Variants in KLB observed in about 807,000 individuals in gnomAD.
KLB encodes beta-klotho.
A neutral mutation model predicts 88.4 loss-of-function variants in KLB; 44 were observed. The observed-to-expected ratio is 0.50, with a 90% CI of 0.39 to 0.64. The LOEUF (loss-of-function observed/expected upper bound fraction) is 0.64. KLB is among the 30% of genes least tolerant of loss of function. KLB has a pLI of 0.00. For synonymous variants in KLB, 548 were observed against 513.4 expected (o/e 1.07, Z -0.91); for missense variants, 1,137 against 1,304.8 (o/e 0.87, Z 1.98).
rs1743780741 is a variant in KLB at position 39,447,432 on chromosome 4, C to G, written c.2706C>G (p.Leu902=). 6.2e-7 allele frequency: 1 copy of G among 1,609,418 alleles called. No individual in the cohort carries two copies. Among genetic ancestry groups the G allele is most frequent in the Non-Finnish European group, 8.5e-7 (1 of 1,177,714 alleles). Residue 902 remains leucine (L), a synonymous_variant, in exon 4 of 5, where the codon CTC becomes CTG. Coordinates refer to ENST00000257408, the MANE Select transcript of KLB (RefSeq NM_175737.4). ...IDDQALEDDR[L]RKYYLGKYLQ... The stretch of plus-strand genomic sequence containing the variant: ...ACCAGGCTCTGGAGGATGACCGGCT[C>G]CGGAAGTACTACCTAGGGAAGTACC...
intron 1 of KLB, among the ~76,000 whole-genome samples, chr4:39,425,872 C>A (rs1329469413): frequency 1.3e-5 from 2 of 152,090 alleles, no homozygotes; most frequent in Non-Finnish European, 1.5e-5. Context: ...AATGTCAGCA[C>A]TTTGGGAGGC....
intron 1 of KLB, among the ~76,000 whole-genome samples, chr4:39,431,041 T>C (rs1432768913): frequency 6.6e-6 from 1 of 150,702 alleles, no homozygotes; most frequent in African/African-American, 2.4e-5. Flanking sequence ...CTCAGCTTCC[T>C]GAGTAGCTGG....
intron 1 of KLB, among the ~76,000 whole-genome samples, chr4:39,410,849 A>C (rs1742824342): frequency 1.3e-5 from 2 of 152,120 alleles, no homozygotes; most frequent in Admixed American, 1.3e-4. Context: ...TTCGTTCCAG[A>C]ATGATCTGGA....
At position 39,450,172 on chromosome 4, in the gene KLB, A is replaced by C. The variant is rs1273196767; in HGVS notation, c.*1486A>C. 1 of 152,206 alleles carries C rather than the reference A, an allele frequency of 6.6e-6. No individual in the cohort carries two copies. The highest frequency in any genetic ancestry group is 1.5e-5 in the Non-Finnish European group (1 of 68,042). 9.4% of individuals were successfully genotyped at this position (152,206 alleles called of 1,614,324 possible). A position where few individuals can be genotyped will look rare whatever the true frequency, so the allele number is the denominator to read the frequency against. The stretch of plus-strand genomic sequence containing the variant: ...CTTTGGGAAATGAACTCTGTTCTTG[A>C]GACTTGTTCAGTGTATTTTAAACAT... On this transcript the variant is annotated 3_prime_UTR_variant, in exon 5 of 5. Transcript: ENST00000257408.
At position 39,446,331 on chromosome 4, in the gene KLB, G is replaced by A. The variant is rs1743745187; in HGVS notation, c.1606-1G>A. 2 of 1,611,846 alleles carry A rather than the reference G, an allele frequency of 1.2e-6. No homozygotes were observed. The highest frequency in any genetic ancestry group is 1.7e-6 in the Non-Finnish European group (2 of 1,178,822). On this transcript the variant is annotated splice_acceptor_variant, in intron 3 of 4. Coordinates refer to ENST00000257408, the MANE Select transcript of KLB (RefSeq NM_175737.4). LOFTEE classifies it high-confidence loss of function. This position sits in a 1 kb window ranked among gnomAD's most constrained non-coding sequence, Gnocchi z 6.4. ...GACCTAAATGAGCTTGTTTTTCACA[G>A]CCCGAGTCTGTGGCTTCGTCCCCAC...
At chr4:39,427,205 G>T (rs559137549) in intron 1 of KLB, among the ~76,000 whole-genome samples, 1 of 152,202 alleles carries the variant, frequency 6.6e-6, no homozygotes, top group Admixed American at 6.5e-5. Context: ...GCTTGAGGCC[G>T]GACGCGGTGG....
chr4:39,442,325 CATTTT>C (rs1743617527), intron 3 of KLB, among the ~76,000 whole-genome samples: 1 of 152,076 alleles, frequency 6.6e-6, no homozygotes, highest in Non-Finnish European at 1.5e-5. Flanking sequence ...ACTCCTCTAA[CATTTT>C]ATTTTGAAAA....
rs575982044 is a variant in KLB at position 39,420,474 on chromosome 4, G to A, written c.825+12700G>A. 2.4e-4 allele frequency among the ~76,000 whole-genome samples: 36 copies of A among 152,130 alleles called. 1 individual carries two copies. The highest frequency in any genetic ancestry group is 3.2e-3 in the Middle Eastern group (1 of 316). On this transcript the variant is annotated intron_variant, in intron 1 of 4. Transcript: ENST00000257408. Reference sequence around the variant, plus strand: ...TGGAAGTCGGGGGAAGCTGAAGAGTGATAGCATAGAACAATCAAAGTCACC... The same window carrying A: ...TGGAAGTCGGGGGAAGCTGAAGAGTAATAGCATAGAACAATCAAAGTCACC...
At chr4:39,407,961 A>G (rs1742766003) in intron 1 of KLB, among the ~76,000 whole-genome samples, 187 bp downstream of exon 1, 1 of 152,220 alleles carries the variant, frequency 6.6e-6, no homozygotes, top group Admixed American at 6.5e-5. Flanking sequence ...TTTTTAATGT[A>G]TTAATCCAAT....
intron 1 of KLB, among the ~76,000 whole-genome samples, chr4:39,421,027 A>C (rs755548005): frequency 1.3e-5 from 2 of 152,218 alleles, no homozygotes; most frequent in Non-Finnish European, 2.9e-5. Context: ...GTGATTTTTG[A>C]ATCGTATTAT....
chr4:39,427,652 G>C (rs1193769971), intron 1 of KLB, among the ~76,000 whole-genome samples: 5 of 152,104 alleles, frequency 3.3e-5, no homozygotes, highest in Non-Finnish European at 2.9e-5. Flanking sequence ...GCAAGTAAAG[G>C]CTTGGGAGCT....
In KLB at chr4:39,448,470, T is replaced by TTC; in HGVS notation, c.2921_2922dup (p.Arg975LeufsTer24). ...GGGGCTTCCCTTTTGAGAACAGTAG[T>TTC]TCTAGATGCAGTCAGACCCAAGAAA... On this transcript the variant is annotated frameshift_variant, in exon 5 of 5. Transcript: ENST00000257408. LOFTEE classifies it low-confidence loss of function (END_TRUNC). 1 of 1,614,134 alleles carries TTC rather than the reference T, an allele frequency of 6.2e-7. No individual in the cohort carries two copies. The highest frequency in any genetic ancestry group is 8.5e-7 in the Non-Finnish European group (1 of 1,179,968).
chr4:39,426,593 AAAT>A (rs1743223578), intron 1 of KLB, among the ~76,000 whole-genome samples: 1 of 152,172 alleles, frequency 6.6e-6, no homozygotes, highest in South Asian at 2.1e-4. Context: ...CTTTTTAAAA[AAAT>A]AGTCACATAA....
chr4:39,451,487 T>C lies in KLB; in HGVS notation c.*2801T>C, dbSNP rs1479718842. 1.3e-5 allele frequency: 2 copies of C among 152,258 alleles called. No homozygotes were observed. Among genetic ancestry groups the C allele is most frequent in the African/African-American group, 2.4e-5 (1 of 41,474 alleles). 9.4% of individuals were successfully genotyped at this position (152,258 alleles called of 1,614,324 possible). On this transcript the variant is annotated 3_prime_UTR_variant, in exon 5 of 5. Coordinates refer to ENST00000257408, the MANE Select transcript of KLB (RefSeq NM_175737.4). ...ACTACATGTTTAATTTTCAATGTAA[T>C]TTATTCCAAATAAACTGGTTCATGC... is the stretch of plus-strand genomic sequence containing the variant.
chr4:39,421,752 C>CAAA (rs769591546), intron 1 of KLB, among the ~76,000 whole-genome samples: 1 of 135,472 alleles, frequency 7.4e-6, no homozygotes, highest in African/African-American at 2.7e-5. Context: ...AACACTCCGT[C>CAAA]AAAAAAAAAA....
chr4:39,445,014 A>T (rs1743703907), intron 3 of KLB, among the ~76,000 whole-genome samples: 1 of 152,252 alleles, frequency 6.6e-6, no homozygotes, highest in African/African-American at 2.4e-5. Context: ...TAAAACAAGT[A>T]CTTAACTTTT....
At chr4:39,435,971 A>G (rs1287728363) in intron 2 of KLB, among the ~76,000 whole-genome samples, 3 of 152,170 alleles carry the variant, frequency 2.0e-5, no homozygotes, top group Non-Finnish European at 4.4e-5. Context: ...CTATTACATG[A>G]CGGCATGATG....
intron 1 of KLB, among the ~76,000 whole-genome samples, chr4:39,430,514 C>T (rs981102100): frequency 2.0e-5 from 3 of 151,866 alleles, no homozygotes; most frequent in African/African-American, 7.3e-5. Context: ...TCCCAGGCCC[C>T]TCTGATTCTT....
chr4:39,420,691 T>C (rs1385464968), intron 1 of KLB, among the ~76,000 whole-genome samples: 1 of 152,014 alleles, frequency 6.6e-6, no homozygotes, highest in Non-Finnish European at 1.5e-5. Context: ...ACATTTTTAG[T>C]TTTTGTAGAA....
Sources: gnomAD v4.1 joint callset for allele counts (sites outside exome capture counted in the v4.1 genomes callset) on GRCh38, gnomAD v4.1.1 for gene constraint, Gnocchi (gnomAD v3.1) non-coding constraint, MANE v1.5 for transcripts, NCBI Gene and HGNC (gene_info 2026-07-23, HGNC 2026-07-21) for gene names.